ZFYVE16: variants seen among roughly 807,000 people sequenced by gnomAD.
ZFYVE16 encodes the protein zinc finger FYVE domain-containing protein 16.
In ZFYVE16, 89 loss-of-function variants were observed where a neutral mutation model predicts 138.1. That is an observed-to-expected ratio of 0.64 (90% CI 0.54 to 0.77). The LOEUF (loss-of-function observed/expected upper bound fraction) is 0.77, where lower values mean the gene tolerates loss of function less well. ZFYVE16 is among the 30% of genes least tolerant of loss of function. The pLI is 0.00. For synonymous variants in ZFYVE16, 596 were observed against 618.3 expected (o/e 0.96, Z 0.53); for missense variants, 1,793 against 1,786.7 (o/e 1.00, Z -0.06).
chr5:80,429,330 A>T (rs1239730597), intron 2 of ZFYVE16, among the ~76,000 whole-genome samples: 1 of 152,208 alleles, frequency 6.6e-6, no homozygotes, highest in Admixed American at 6.5e-5. Context: ...TCAACTCAGA[A>T]TTTCATATCC....
intron 15 of ZFYVE16, among the ~76,000 whole-genome samples, chr5:80,465,400 G>GTTTTTTTTTT (rs3072097): frequency 0.026 from 690 of 26,778 alleles, 242 homozygotes; most frequent in Admixed American, 0.048. Context: ...CCTTTTCTTT[G>GTTTTTTTTTT]TTTTTTTTTT....
intron 15 of ZFYVE16, among the ~76,000 whole-genome samples, chr5:80,462,910 T>A (rs988394023): frequency 2.6e-5 from 4 of 152,210 alleles, no homozygotes; most frequent in African/African-American, 7.2e-5. Context: ...TCTGAAATGA[T>A]CTCCTTTGAC....
chr5:80,423,549 G>A (rs1747546071), intron 1 of ZFYVE16, among the ~76,000 whole-genome samples: 1 of 151,830 alleles, frequency 6.6e-6, no homozygotes, highest in Non-Finnish European at 1.5e-5. Context: ...TTTTATTTAT[G>A]TATTGAGATG....
intron 1 of ZFYVE16, among the ~76,000 whole-genome samples, chr5:80,415,596 A>G (rs1746089044): frequency 6.6e-6 from 1 of 152,080 alleles, no homozygotes. Flanking sequence ...TATTGGGGTA[A>G]TGTGTTTCGG....
In ZFYVE16 at chr5:80,477,470, A is replaced by G. The variant is rs1056174720; in HGVS notation, c.*93A>G. 5 of 1,207,612 alleles carry G rather than the reference A, an allele frequency of 4.1e-6. No individual in the cohort carries two copies. The highest frequency in any genetic ancestry group is 3.1e-5 in the Admixed American group (1 of 32,734). 74.8% of individuals were successfully genotyped at this position (1,207,612 alleles called of 1,614,324 possible). A position where few individuals can be genotyped will look rare whatever the true frequency, so the allele number is the denominator to read the frequency against. On this transcript the variant is annotated 3_prime_UTR_variant, in exon 19 of 19. Coordinates refer to ENST00000505560, the MANE Select transcript of ZFYVE16 (RefSeq NM_001284236.3). Reference sequence around the variant, plus strand: ...AATGCCACAAACACTAAAAGTATAAATATGTCTGATTTTTGAAACACATAA... The same window carrying G: ...AATGCCACAAACACTAAAAGTATAAGTATGTCTGATTTTTGAAACACATAA...
At chr5:80,450,683 T>C (rs1328289245) in intron 10 of ZFYVE16, 97 bp downstream of exon 10, 2 of 1,232,574 alleles carry the variant, frequency 1.6e-6, no homozygotes, top group African/African-American at 3.1e-5. Flanking sequence ...TAAAGATTTA[T>C]TTCTGTGAAG....
intron 17 of ZFYVE16, 111 bp from the exon 18 acceptor site, chr5:80,474,552 A>T: frequency 9.1e-7 from 1 of 1,100,030 alleles, no homozygotes; most frequent in Non-Finnish European, 1.3e-6. Context: ...TCTCACAACT[A>T]ATGCTTTTCA....
chr5:80,469,133 C>G (rs906817328), intron 15 of ZFYVE16, among the ~76,000 whole-genome samples: 5 of 143,394 alleles, frequency 3.5e-5, no homozygotes, highest in Non-Finnish European at 7.5e-5. Flanking sequence ...CACCCAGGGT[C>G]TCATTCTCAC....
chr5:80,456,443 T>C lies in ZFYVE16; in HGVS notation c.3691-18T>C. On this transcript the variant is annotated intron_variant, in intron 12 of 18. Transcript: ENST00000505560. ...ACTCATGGTTAGTAGTTTATGGTAA[T>C]GCAATTATTCTATGTAGGACCTTCG... The C allele has an allele frequency of 6.4e-7, 1 of 1,563,154 alleles. No homozygotes were observed. The highest frequency in any genetic ancestry group is 1.4e-5 in the African/African-American group (1 of 73,812).
chr5:80,432,202 AACCAAAACAGCATGGTACTGGT>A (rs1419413746), intron 2 of ZFYVE16, among the ~76,000 whole-genome samples: 1 of 152,226 alleles, frequency 6.6e-6, no homozygotes, highest in Non-Finnish European at 1.5e-5. Context: ...AGGCTACAGT[AACCAAAACAGCATGGTACTGGT>A]ACCAAAACAG....
chr5:80,451,341 A>G, intron 10 of ZFYVE16, 144 bp from the exon 11 acceptor site: 1 of 594,122 alleles, frequency 1.7e-6, no homozygotes, highest in South Asian at 2.6e-5. Context: ...AAAAAAATCT[A>G]TAGTGTCTTA....
At chr5:80,412,627 A>G (rs889568779) in intron 1 of ZFYVE16, among the ~76,000 whole-genome samples, 2 of 152,136 alleles carry the variant, frequency 1.3e-5, no homozygotes, top group African/African-American at 4.8e-5. Context: ...GAGCATTGCT[A>G]TATAGATAGG....
intron 1 of ZFYVE16, among the ~76,000 whole-genome samples, 158 bp downstream of exon 1, chr5:80,408,311 C>T (rs998182680): frequency 6.6e-6 from 1 of 152,248 alleles, no homozygotes; most frequent in Admixed American, 6.5e-5. Context: ...TTTTCCGAGC[C>T]CCCGGAGCTG....
chr5:80,448,291 A>G lies in ZFYVE16; in HGVS notation c.2990A>G (p.Asp997Gly). 6.2e-7 allele frequency: 1 copy of G among 1,613,358 alleles called. No homozygotes were observed. The highest frequency in any genetic ancestry group is 1.1e-5 in the South Asian group (1 of 91,042). The change falls in exon 8 of 19, where the codon GAT becomes GGT. Residue 997 changes from aspartate (D) to glycine (G), a missense_variant. By Grantham distance (94) the Asp-to-Gly change is moderately conservative. Coordinates refer to ENST00000505560, the MANE Select transcript of ZFYVE16 (RefSeq NM_001284236.3). ...NSNLPIASIS[D>G]YRLLCDINKY... ...AATTTACCTATTGCTAGTATTTCAG[A>G]TTATAGGTTACTGTGTGATATTAAC...
Position 80,474,825 on chromosome 5 carries a change from G to C in ZFYVE16, c.4456G>C (p.Asp1486His), listed in dbSNP as rs1348718314. ...TGGACTCAGAGTTTCCATTGACACT[G>C]ATATGGTGAGGCATGTTTTTGTGAT... is the stretch of plus-strand genomic sequence containing the variant. The part of the protein sequence containing the change: ...KIGLRVSIDT[D>H]MVEFQAGSEG... Residue 1486 changes from aspartate to histidine, a missense_variant, in exon 18 of 19, where the codon GAT (aspartate) becomes CAT (histidine). Coordinates refer to ENST00000505560, the MANE Select transcript of ZFYVE16 (RefSeq NM_001284236.3). 1 of 1,607,532 alleles carries C rather than the reference G, an allele frequency of 6.2e-7. No individual in the cohort carries two copies. Among genetic ancestry groups the C allele is most frequent in the East Asian group, 2.2e-5 (1 of 44,848 alleles).
rs200433305 is a variant in ZFYVE16, at chr5:80,438,115, T to A, written c.1430T>A (p.Val477Asp). The stretch of plus-strand genomic sequence containing the variant: ...GATGGTGGTGACACCAGTTCTACAG[T>A]TGTAGAATCTCAAGAGGGGCTTTCT... ...SLDGGDTSST[V>D]VESQEGLSGT... Residue 477 changes from valine (V) to aspartate (D), a missense_variant, in exon 4 of 19, where the codon GTT becomes GAT. Physicochemically the swap from Val to Asp is radical, Grantham distance 152 (BLOSUM62 -3). Coordinates refer to ENST00000505560, the MANE Select transcript of ZFYVE16 (RefSeq NM_001284236.3). The A allele has an allele frequency of 6.2e-7, 1 of 1,614,022 alleles. No individual in the cohort carries two copies.
chr5:80,418,318 C>G (rs1438082160), intron 1 of ZFYVE16, among the ~76,000 whole-genome samples: 11 of 144,272 alleles, frequency 7.6e-5, no homozygotes, highest in African/African-American at 2.8e-4. Context: ...CCTCCCCTCC[C>G]CCTCCTTTCT....
chr5:80,449,691 C>G lies in ZFYVE16; in HGVS notation c.3204C>G (p.Leu1068=). ...PVTFVLNANL[L]VNVKFIFYSS... Reference sequence around the variant, plus strand: ...CATTTGTCCTAAATGCTAATCTACTCGTGAATGTCAAATTCATATTTTGTA... The same window carrying G: ...CATTTGTCCTAAATGCTAATCTACTGGTGAATGTCAAATTCATATTTTGTA... Residue 1068 remains leucine (L), a synonymous_variant, in exon 9 of 19, where the codon CTC becomes CTG. Coordinates refer to ENST00000505560, the MANE Select transcript of ZFYVE16 (RefSeq NM_001284236.3). The G allele has an allele frequency of 1.3e-6, 2 of 1,597,680 alleles. No individual in the cohort carries two copies. The highest frequency in any genetic ancestry group is 1.7e-6 in the Non-Finnish European group (2 of 1,174,446).
At chr5:80,428,966 A>G (rs564670371) in intron 2 of ZFYVE16, among the ~76,000 whole-genome samples, 2 of 152,326 alleles carry the variant, frequency 1.3e-5, no homozygotes, top group South Asian at 4.2e-4. Flanking sequence ...TGAAAAGACC[A>G]AATCTACGTC....
Sources: allele counts gnomAD v4.1 joint callset (sites outside exome capture counted in the v4.1 genomes callset), GRCh38; gene constraint gnomAD v4.1.1; transcripts MANE v1.5; gene names NCBI Gene and HGNC (gene_info 2026-07-23, HGNC 2026-07-21).